Variants in STAT4 observed in about 807,000 individuals in gnomAD.
The protein encoded by STAT4 is signal transducer and activator of transcription 4.
Under a neutral mutation model 110.5 loss-of-function variants are expected in STAT4, and 42 were observed. That is an observed-to-expected ratio of 0.38 (90% CI 0.30 to 0.49). STAT4 has a LOEUF of 0.49. Among genes scored for constraint, STAT4 ranks in the 20% least tolerant of loss-of-function variants. The pLI is 0.95. For synonymous variants in STAT4, 284 were observed against 302.2 expected (o/e 0.94, Z 0.63); for missense variants, 632 against 887.9 (o/e 0.71, Z 3.66).
rs1168590115 is a variant in STAT4, at chr2:191,150,579, C to T, written c.-2+368G>A. 6.6e-6 allele frequency among the ~76,000 whole-genome samples: 1 copy of T among 152,170 alleles called. No individual in the cohort carries two copies. Reference sequence around the variant, plus strand: ...GTAGCTGCAAGCTTTTTTCTGAAATCCAGGTACGCTAATCTAAAGTCAGAC... The same window carrying T: ...GTAGCTGCAAGCTTTTTTCTGAAATTCAGGTACGCTAATCTAAAGTCAGAC... On this transcript the variant is annotated intron_variant, in intron 1 of 23. Transcript: ENST00000392320. This position sits in a 1 kb window ranked among gnomAD's most constrained non-coding sequence, Gnocchi z 6.4.
chr2:191,030,316 G>A lies in STAT4; in HGVS notation c.2221-450C>T, dbSNP rs1050090751. ...CAAGTTTCTATTATATTATTCTGAT[G>A]TATGTTCACTTTCATGTAAATTGGG... On this transcript the variant is annotated intron_variant, in intron 23 of 23. Coordinates refer to ENST00000392320, the MANE Select transcript of STAT4 (RefSeq NM_003151.4). This position sits in a 1 kb window ranked among gnomAD's most constrained non-coding sequence, Gnocchi z 4.4. 6.6e-6 allele frequency among the ~76,000 whole-genome samples: 1 copy of A among 152,174 alleles called. No homozygotes were observed. Among genetic ancestry groups the A allele is most frequent in the African/African-American group, 2.4e-5 (1 of 41,426 alleles).
intron 5 of STAT4, among the ~76,000 whole-genome samples, chr2:191,072,235 T>C (rs1697180814): frequency 6.6e-6 from 1 of 152,200 alleles, no homozygotes; most frequent in Non-Finnish European, 1.5e-5. Context: ...TAAGTATTCT[T>C]ACTGTAGTAA....
chr2:191,062,859 G>C lies in STAT4; in HGVS notation c.844C>G (p.Gln282Glu). 1 of 1,613,860 alleles carries C rather than the reference G, an allele frequency of 6.2e-7. No homozygotes were observed. The highest frequency in any genetic ancestry group is 8.5e-7 in the Non-Finnish European group (1 of 1,179,888). Residue 282 changes from glutamine to glutamate, a missense_variant, in exon 9 of 24, where the codon CAA (glutamine) becomes GAA (glutamate). By Grantham distance (29) the Gln-to-Glu change is conservative. Around this residue, in one of 4 missense-constraint regions of STAT4, gnomAD observed 488 missense variants for 632.8 expected, o/e 0.77. Transcript: ENST00000392320. This position sits in a 1 kb window ranked among gnomAD's most constrained non-coding sequence, Gnocchi z 4.9. The part of the protein sequence containing the change: ...LRRQLEKLEE[Q>E]STKMTYEGDP... ...CCTTCATATGTCATTTTGGTAGATT[G>C]CTCCTCTAGTTTCTCCAATTGCCTT...
chr2:191,141,570 G>GAT (rs1189908036), intron 3 of STAT4, among the ~76,000 whole-genome samples: 45 of 140,998 alleles, frequency 3.2e-4, no homozygotes, highest in East Asian at 1.0e-3. Context: ...TACCATATAT[G>GAT]ATATATATAC....
Position 191,031,193 on chromosome 2 carries a change from GTTA to G in STAT4, c.2112-116_2112-114del. On this transcript the variant is annotated intron_variant, in intron 22 of 23. Coordinates refer to ENST00000392320, the MANE Select transcript of STAT4 (RefSeq NM_003151.4). The surrounding 1 kb of genome is among the most constrained non-coding windows in gnomAD (Gnocchi z 4.8). ...GGGCTTCATCTATTTGTGACATTGA[GTTA>G]TCTAATTCATCATTTCATATCAGAA... The G allele has an allele frequency of 8.9e-7, 1 of 1,119,536 alleles. No homozygotes were observed. The highest frequency in any genetic ancestry group is 1.3e-6 in the Non-Finnish European group (1 of 758,386). The allele number at this position is 1,119,536 out of a possible 1,614,324, so 69.4% of individuals were successfully genotyped here. A position where few individuals can be genotyped will look rare whatever the true frequency, so the allele number is the denominator to read the frequency against.
intron 3 of STAT4, among the ~76,000 whole-genome samples, chr2:191,141,081 G>T (rs1042736429): frequency 1.3e-5 from 2 of 151,882 alleles, no homozygotes; most frequent in African/African-American, 4.8e-5. Context: ...GGGGACTTGT[G>T]GGGGAAGGTT....
chr2:191,126,978 C>G (rs1408290498), intron 3 of STAT4, among the ~76,000 whole-genome samples: 4 of 152,060 alleles, frequency 2.6e-5, no homozygotes, highest in Non-Finnish European at 5.9e-5. Flanking sequence ...CACCACCATG[C>G]CCAGCTAATT....
At chr2:191,126,918 C>T (rs1261134991) in intron 3 of STAT4, among the ~76,000 whole-genome samples, 4 of 152,140 alleles carry the variant, frequency 2.6e-5, no homozygotes, top group Non-Finnish European at 4.4e-5. Context: ...CTTCTGGGTT[C>T]AAGTCAGCCT....
Position 191,138,950 on chromosome 2 carries a change from A to T in STAT4, c.273+7663T>A, listed in dbSNP as rs1050835601. On this transcript the variant is annotated intron_variant, in intron 3 of 23. Transcript: ENST00000392320. The surrounding 1 kb of genome is among the most constrained non-coding windows in gnomAD (Gnocchi z 4.3). The stretch of plus-strand genomic sequence containing the variant: ...TAGGAATACAGGGATAGTTTAACAC[A>T]CGCAAAGTCAATAAATATGATACAT... 2.0e-5 allele frequency among the ~76,000 whole-genome samples: 3 copies of T among 152,204 alleles called. No homozygotes were observed. Among genetic ancestry groups the T allele is most frequent in the Admixed American group, 2.0e-4 (3 of 15,264 alleles).
rs776083158 is a variant in STAT4 at position 191,142,318 on chromosome 2, C to T, written c.273+4295G>A. ...TCATGTCATTTGCAGCAACACGGAT[C>T]GTACAAGATGTCATTATGTTAAATA... is the stretch of plus-strand genomic sequence containing the variant. On this transcript the variant is annotated intron_variant, in intron 3 of 23. Transcript: ENST00000392320. This position sits in a 1 kb window ranked among gnomAD's most constrained non-coding sequence, Gnocchi z 4.1. Among the ~76,000 whole-genome samples the T allele has an allele frequency of 2.6e-5, 4 of 151,990 alleles. No individual in the cohort carries two copies. The highest frequency in any genetic ancestry group is 4.4e-5 in the Non-Finnish European group (3 of 67,992).
chr2:191,115,785 T>C (rs73982614), intron 3 of STAT4, among the ~76,000 whole-genome samples: 5,293 of 152,248 alleles, frequency 0.035, 319 homozygotes, highest in African/African-American at 0.12. Context: ...TGTCAATGCA[T>C]AGACAGTGAA....
At chr2:191,126,250 T>C (rs1215644392) in intron 3 of STAT4, among the ~76,000 whole-genome samples, 1 of 152,248 alleles carries the variant, frequency 6.6e-6, no homozygotes, top group Non-Finnish European at 1.5e-5. Context: ...GTAAAAAGTC[T>C]TGTGAGCTGT....
intron 5 of STAT4, among the ~76,000 whole-genome samples, chr2:191,071,316 G>A (rs1201129345): frequency 6.6e-6 from 1 of 152,098 alleles, no homozygotes; most frequent in Non-Finnish European, 1.5e-5. Context: ...ACCACTTGTA[G>A]CATTTTACTT....
rs1171097099 is a variant in STAT4 at position 191,116,013 on chromosome 2, A to G, written c.273+30600T>C. 6.6e-6 allele frequency among the ~76,000 whole-genome samples: 1 copy of G among 152,160 alleles called. No individual in the cohort carries two copies. The highest frequency in any genetic ancestry group is 6.5e-5 in the Admixed American group (1 of 15,268). ...CCTGCAGGAGTAAGGTATTAGTCAT[A>G]TGGTACGTTTGGTTGAAATGAACAT... On this transcript the variant is annotated intron_variant, in intron 3 of 23. Coordinates refer to ENST00000392320, the MANE Select transcript of STAT4 (RefSeq NM_003151.4). The surrounding 1 kb of genome is among the most constrained non-coding windows in gnomAD (Gnocchi z 4.1).
At chr2:191,047,104 C>T (rs1696374156) in intron 14 of STAT4, among the ~76,000 whole-genome samples, 1 of 152,134 alleles carries the variant, frequency 6.6e-6, no homozygotes, top group Admixed American at 6.5e-5. Flanking sequence ...CCATAAAAAC[C>T]TCAAAGAACA....
Position 191,138,013 on chromosome 2 carries a change from T to C in STAT4, c.273+8600A>G, listed in dbSNP as rs1488332961. On this transcript the variant is annotated intron_variant, in intron 3 of 23. Coordinates refer to ENST00000392320, the MANE Select transcript of STAT4 (RefSeq NM_003151.4). The surrounding 1 kb of genome is among the most constrained non-coding windows in gnomAD (Gnocchi z 4.3). Reference sequence around the variant, plus strand: ...AAAAACAAAAATAGATAAATAGAACTACATTAAACTAAAAAGCTTCTGCAC... The same window carrying C: ...AAAAACAAAAATAGATAAATAGAACCACATTAAACTAAAAAGCTTCTGCAC... Among the ~76,000 whole-genome samples, 2 of 152,038 alleles carry C rather than the reference T, an allele frequency of 1.3e-5. No individual in the cohort carries two copies. Among genetic ancestry groups the C allele is most frequent in the Non-Finnish European group, 2.9e-5 (2 of 67,992 alleles).
intron 4 of STAT4, 84 bp downstream of exon 4, chr2:191,076,143 T>C (rs1452284913): frequency 1.7e-6 from 2 of 1,161,198 alleles, no homozygotes; most frequent in Non-Finnish European, 2.6e-6. Flanking sequence ...TGTGAGCCAC[T>C]GTACCCTACC....
At chr2:191,098,259 C>G (rs1385813126) in intron 3 of STAT4, among the ~76,000 whole-genome samples, 1 of 152,228 alleles carries the variant, frequency 6.6e-6, no homozygotes, top group Non-Finnish European at 1.5e-5. Flanking sequence ...GATCCCATTA[C>G]TGGGTATACA....
rs148885888 is a variant in STAT4, at chr2:191,072,997, A to T, written c.465+101T>A. On this transcript the variant is annotated intron_variant, in intron 5 of 23. Coordinates refer to ENST00000392320, the MANE Select transcript of STAT4 (RefSeq NM_003151.4). ...ATTTATCTTATTAACAAATTGCCCT[A>T]TGATTTCTGTATACATTAACTTTGG... is the stretch of plus-strand genomic sequence containing the variant. The T allele has an allele frequency of 1.1e-4, 91 of 836,920 alleles. No homozygotes were observed. In the East Asian group the frequency reaches 1.6e-3, roughly 15 times the overall value. The allele number at this position is 836,920 out of a possible 1,614,324, so 51.8% of individuals were successfully genotyped here.
Sources: allele counts gnomAD v4.1 joint callset (sites outside exome capture counted in the v4.1 genomes callset), GRCh38; gene constraint gnomAD v4.1.1; regional missense constraint gnomAD v4.1.1; non-coding constraint Gnocchi (gnomAD v3.1); transcripts MANE v1.5; gene names NCBI Gene and HGNC (gene_info 2026-07-23, HGNC 2026-07-21).